The following YPEL2 variants were observed in gnomAD, a reference collection of about 807,000 sequenced individuals.
YPEL2 encodes the protein protein yippee-like 2.
YPEL2 carries 2 observed loss-of-function variants against 19.1 expected under a neutral mutation model. The observed-to-expected ratio is 0.10, with a 90% CI of 0.04 to 0.33. The LOEUF is 0.33. Among genes scored for constraint, YPEL2 ranks in the 10% least tolerant of loss-of-function variants. The pLI is 1.00. For synonymous variants in YPEL2, 52 were observed against 50.0 expected (o/e 1.04, Z -0.17); for missense variants, 66 against 140.7 (o/e 0.47, Z 2.68).
rs1432316014 is a variant in YPEL2 at position 59,400,829 on chromosome 17, G to T, written c.*3639G>T. 10 of 152,672 alleles carry T rather than the reference G, an allele frequency of 6.5e-5. No individual in the cohort carries two copies. The East Asian group carries it at 1.9e-3, about 30-fold the overall frequency. The allele number at this position is 152,672 out of a possible 1,614,324, so 9.5% of individuals were successfully genotyped here. ...ACTTTAACTACAGTTTACACCTCGG[G>T]CGCATAAAGTTTTTCTTCTCTTTCT... is the stretch of plus-strand genomic sequence containing the variant. On this transcript the variant is annotated 3_prime_UTR_variant, in exon 5 of 5. Coordinates refer to ENST00000312655, the MANE Select transcript of YPEL2 (RefSeq NM_001005404.4).
intron 2 of YPEL2, among the ~76,000 whole-genome samples, chr17:59,379,497 C>T (rs896497634): frequency 1.3e-5 from 2 of 152,210 alleles, no homozygotes; most frequent in African/African-American, 4.8e-5. Context: ...CTACACACTT[C>T]TGATGCCTTC....
chr17:59,356,142 T>G (rs968532548), intron 2 of YPEL2: 2 of 152,178 alleles, frequency 1.3e-5, no homozygotes, highest in Non-Finnish European at 2.9e-5. Context: ...GTCTCTCCTG[T>G]TCTCCTCTCT....
Position 59,397,230 on chromosome 17 carries a change from C to A in YPEL2, c.*40C>A. 6.8e-7 allele frequency: 1 copy of A among 1,474,118 alleles called. No homozygotes were observed. Among genetic ancestry groups the A allele is most frequent in the Non-Finnish European group, 9.2e-7 (1 of 1,083,520 alleles). 91.3% of individuals were successfully genotyped at this position (1,474,118 alleles called of 1,614,324 possible). On this transcript the variant is annotated 3_prime_UTR_variant, in exon 5 of 5. Coordinates refer to ENST00000312655, the MANE Select transcript of YPEL2 (RefSeq NM_001005404.4). ...CCCAACCCAGTGTCCACGTGAACGC[C>A]ATTCAACCGAACATTCTTCCCAAGC...
chr17:59,394,161 T>G (rs914690251), intron 4 of YPEL2, among the ~76,000 whole-genome samples: 35 of 150,540 alleles, frequency 2.3e-4, no homozygotes, highest in African/African-American at 7.6e-4. Flanking sequence ...CCGACCTCCC[T>G]CCCGGACGGG....
At chr17:59,387,128 T>C (rs1213542503) in intron 2 of YPEL2, among the ~76,000 whole-genome samples, 1 of 151,838 alleles carries the variant, frequency 6.6e-6, no homozygotes, top group African/African-American at 2.4e-5. Flanking sequence ...GGTGTTGTGG[T>C]GCACACCTGT....
intron 2 of YPEL2, among the ~76,000 whole-genome samples, chr17:59,387,268 A>C (rs2047985364): frequency 6.6e-6 from 1 of 151,760 alleles, no homozygotes; most frequent in East Asian, 1.9e-4. Flanking sequence ...AAAAAAAAAA[A>C]AAAAAAAAAA....
intron 1 of YPEL2, among the ~76,000 whole-genome samples, chr17:59,337,015 G>A (rs995501547): frequency 6.6e-6 from 1 of 152,086 alleles, no homozygotes; most frequent in South Asian, 2.1e-4. Flanking sequence ...CAGCCCCTCC[G>A]TTGTTATTTT....
At position 59,401,041 on chromosome 17, in the gene YPEL2, G is replaced by A. The variant is rs2048068660; in HGVS notation, c.*3851G>A. 1 of 152,480 alleles carries A rather than the reference G, an allele frequency of 6.6e-6. No homozygotes were observed. The highest frequency in any genetic ancestry group is 1.5e-5 in the Non-Finnish European group (1 of 68,020). 9.4% of individuals were successfully genotyped at this position (152,480 alleles called of 1,614,324 possible). Reference sequence around the variant, plus strand: ...ATCTGTGCTTCTAACTGAGATGAGAGTGTATTAATCACGTATCGCAGGGCT... The same window carrying A: ...ATCTGTGCTTCTAACTGAGATGAGAATGTATTAATCACGTATCGCAGGGCT... On this transcript the variant is annotated 3_prime_UTR_variant, in exon 5 of 5. Coordinates refer to ENST00000312655, the MANE Select transcript of YPEL2 (RefSeq NM_001005404.4).
rs573966045 is a variant in YPEL2 at position 59,393,468 on chromosome 17, C to CT, written c.271-3624dup. Among the ~76,000 whole-genome samples the CT allele has an allele frequency of 5.2e-3, 756 of 146,726 alleles. 7 individuals are homozygous for CT. The highest frequency in any genetic ancestry group is 0.016 in the African/African-American group (645 of 40,222). ...TTTTTCATAATAGGAAACTCATTTT[C>CT]TTTTTTTTTATTTTTATTTTATTTT... On this transcript the variant is annotated intron_variant, in intron 4 of 4. Transcript: ENST00000312655.
intron 1 of YPEL2, among the ~76,000 whole-genome samples, chr17:59,337,961 A>G (rs541803399): frequency 6.6e-6 from 1 of 152,260 alleles, no homozygotes; most frequent in East Asian, 1.9e-4. Context: ...TAAACCCTAA[A>G]TAGCCCATGT....
chr17:59,372,943 G>T (rs150324404), intron 2 of YPEL2, among the ~76,000 whole-genome samples: 7 of 152,108 alleles, frequency 4.6e-5, no homozygotes, highest in East Asian at 1.9e-4. Flanking sequence ...GCATGGTCTC[G>T]GCTCACTGCA....
intron 2 of YPEL2, chr17:59,355,721 G>A (rs1173148207): frequency 6.6e-6 from 1 of 152,188 alleles, no homozygotes; most frequent in East Asian, 1.9e-4. Flanking sequence ...AATAGATGGA[G>A]GTTGAGCCTT....
chr17:59,356,160 A>G (rs192462626), intron 2 of YPEL2: 1 of 152,280 alleles, frequency 6.6e-6, no homozygotes, highest in Admixed American at 6.5e-5. Context: ...TCTTGACTTA[A>G]TCTCCTATGC....
intron 1 of YPEL2, among the ~76,000 whole-genome samples, chr17:59,335,439 GCTT>G (rs1489827160): frequency 6.6e-6 from 1 of 151,972 alleles, no homozygotes; most frequent in Non-Finnish European, 1.5e-5. Flanking sequence ...TGTCCACTCT[GCTT>G]CTTCCTGCTT....
intron 2 of YPEL2, among the ~76,000 whole-genome samples, chr17:59,384,186 T>G (rs951849122): frequency 6.6e-6 from 1 of 152,202 alleles, no homozygotes; most frequent in African/African-American, 2.4e-5. Flanking sequence ...GTTTATCAGT[T>G]TTTTTCTCTT....
intron 1 of YPEL2, among the ~76,000 whole-genome samples, chr17:59,332,721 C>T (rs55880998): frequency 1.2e-3 from 176 of 152,278 alleles, no homozygotes; most frequent in Non-Finnish European, 2.2e-3. Flanking sequence ...GCCAGGTGAG[C>T]GAGTGTCTTG....
Position 59,353,286 on chromosome 17 carries a change from T to C in YPEL2, c.-124T>C. 1 of 678,664 alleles carries C rather than the reference T, an allele frequency of 1.5e-6. No individual in the cohort carries two copies. Among genetic ancestry groups the C allele is most frequent in the Admixed American group, 2.6e-5 (1 of 38,512 alleles). The allele number at this position is 678,664 out of a possible 1,614,324, so 42.0% of individuals were successfully genotyped here. On this transcript the variant is annotated 5_prime_UTR_variant, in exon 2 of 5. Transcript: ENST00000312655. The surrounding 1 kb of genome is among the most constrained non-coding windows in gnomAD (Gnocchi z 4.8). ...GAAGACATCACCAGTGTGTGGAGCC[T>C]GCCACACCCACCCGCTGCCAAACCA...
At chr17:59,359,690 A>T (rs559541734) in intron 2 of YPEL2, among the ~76,000 whole-genome samples, 103 of 152,336 alleles carry the variant, frequency 6.8e-4, no homozygotes, top group Non-Finnish European at 1.2e-3. Flanking sequence ...TACTCGAATA[A>T]AATTCGAGTA....
At chr17:59,351,001 T>G (rs1478073610) in intron 1 of YPEL2, among the ~76,000 whole-genome samples, 1 of 152,168 alleles carries the variant, frequency 6.6e-6, no homozygotes, top group African/African-American at 2.4e-5. Context: ...CCTGCCTGTC[T>G]TTCCTATTTC....
Sources: gnomAD v4.1 joint callset for allele counts (sites outside exome capture counted in the v4.1 genomes callset) on GRCh38, gnomAD v4.1.1 for gene constraint, Gnocchi (gnomAD v3.1) non-coding constraint, MANE v1.5 for transcripts, NCBI Gene and HGNC (gene_info 2026-07-23, HGNC 2026-07-21) for gene names.